MRPS27: variants seen among roughly 807,000 people sequenced by gnomAD.
MRPS27 encodes the protein small ribosomal subunit protein mS27.
MRPS27 carries 43 observed loss-of-function variants against 48.9 expected under a neutral mutation model. The ratio of observed to expected loss-of-function variants is 0.88; its 90% CI spans 0.69 to 1.13. The LOEUF (loss-of-function observed/expected upper bound fraction) is 1.13, where lower values mean the gene tolerates loss of function less well. MRPS27 is among the 50% of genes most tolerant of loss of function. The pLI is 0.00. For missense variants in MRPS27, 467 were observed against 476.3 expected, an observed-to-expected ratio of 0.98 and a Z score of 0.18; for synonymous variants, 188 against 171.9, an observed-to-expected ratio of 1.09 and a Z score of -0.73.
chr5:72,236,246 C>T (rs1748196416), intron 5 of MRPS27, among the ~76,000 whole-genome samples: 1 of 152,078 alleles, frequency 6.6e-6, no homozygotes, highest in Non-Finnish European at 1.5e-5. Flanking sequence ...TAGAGGCAAA[C>T]ATCTACAATT....
intron 4 of MRPS27, among the ~76,000 whole-genome samples, chr5:72,268,504 T>G (rs1749154746): frequency 6.6e-6 from 1 of 152,180 alleles, no homozygotes; most frequent in Non-Finnish European, 1.5e-5. Context: ...TCTGTGATAA[T>G]TTAAATTTAA....
rs543682953 is a variant in MRPS27 at position 72,314,594 on chromosome 5, C to T, written c.74-436G>A. On this transcript the variant is annotated intron_variant, in intron 1 of 10. Coordinates refer to ENST00000261413, the MANE Select transcript of MRPS27 (RefSeq NM_015084.3). Reference sequence around the variant, plus strand: ...GCCAAACTTAGTGTGGACACTTGATCGGTATTGTGCACTACAGCCCAGAAC... The same window carrying T: ...GCCAAACTTAGTGTGGACACTTGATTGGTATTGTGCACTACAGCCCAGAAC... The T allele has an allele frequency of 4.3e-4, 70 of 164,514 alleles. 1 individual carries two copies. Among genetic ancestry groups the T allele is most frequent in the Admixed American group, 3.0e-3 (53 of 17,438 alleles). 10.2% of individuals were successfully genotyped at this position (164,514 alleles called of 1,614,324 possible).
intron 2 of MRPS27, among the ~76,000 whole-genome samples, chr5:72,299,925 CT>C (rs1192054471): frequency 6.6e-6 from 1 of 152,226 alleles, no homozygotes; most frequent in Non-Finnish European, 1.5e-5. Flanking sequence ...TTACTAGCAT[CT>C]GTGCCCATAT....
At chr5:72,294,190 A>T (rs1248861045) in intron 4 of MRPS27, among the ~76,000 whole-genome samples, 1 of 152,130 alleles carries the variant, frequency 6.6e-6, no homozygotes, top group African/African-American at 2.4e-5. Context: ...CCCAATTCAG[A>T]AATTAAAAAA....
intron 4 of MRPS27, among the ~76,000 whole-genome samples, chr5:72,249,278 A>AT (rs1337236548): frequency 6.6e-6 from 1 of 152,250 alleles, no homozygotes; most frequent in East Asian, 1.9e-4. Flanking sequence ...TCTCTTCTGC[A>AT]TTTGATCATT....
intron 7 of MRPS27, among the ~76,000 whole-genome samples, chr5:72,230,971 C>T (rs1484746242): frequency 3.3e-5 from 5 of 152,116 alleles, no homozygotes; most frequent in Non-Finnish European, 7.4e-5. Context: ...TGCTGAGATT[C>T]ATGGTAGTCT....
At chr5:72,247,088 G>A (rs969399438) in intron 4 of MRPS27, among the ~76,000 whole-genome samples, 5 of 152,106 alleles carry the variant, frequency 3.3e-5, no homozygotes, top group African/African-American at 9.7e-5. Context: ...GAAGAGGTAC[G>A]GTTATCTGGA....
intron 2 of MRPS27, among the ~76,000 whole-genome samples, chr5:72,307,120 G>A (rs1476380041): frequency 1.3e-5 from 2 of 152,266 alleles, no homozygotes; most frequent in South Asian, 2.1e-4. Context: ...TGGGGAGGCC[G>A]AGGTGGGCGG....
At chr5:72,284,668 A>G (rs188898084) in intron 4 of MRPS27, among the ~76,000 whole-genome samples, 1 of 152,202 alleles carries the variant, frequency 6.6e-6, no homozygotes, top group Non-Finnish European at 1.5e-5. Flanking sequence ...GTATCATTCC[A>G]GAGATATTTT....
intron 6 of MRPS27, among the ~76,000 whole-genome samples, chr5:72,232,902 C>T (rs979201274): frequency 3.9e-5 from 6 of 152,118 alleles, no homozygotes; most frequent in African/African-American, 1.2e-4. Flanking sequence ...GAATTTTGGA[C>T]AGTTCAACCA....
chr5:72,272,448 T>A (rs954907390), intron 4 of MRPS27, among the ~76,000 whole-genome samples: 3 of 152,234 alleles, frequency 2.0e-5, no homozygotes, highest in African/African-American at 7.2e-5. Flanking sequence ...AGGCAGAGGA[T>A]GCCTACATGA....
At position 72,267,162 on chromosome 5, in the gene MRPS27, T is replaced by C. The variant is rs73761746; in HGVS notation, c.281+28369A>G. 8.7e-3 allele frequency among the ~76,000 whole-genome samples: 1,327 copies of C among 152,324 alleles called. 28 individuals are homozygous for C. Among genetic ancestry groups the C allele is most frequent in the African/African-American group, 0.029 (1,208 of 41,576 alleles). ...AAAGAATCTGACAAGAATCAGACTA[T>C]ATTCATTTTGGCATAACTATACGGA... On this transcript the variant is annotated intron_variant, in intron 4 of 10. Coordinates refer to ENST00000261413, the MANE Select transcript of MRPS27 (RefSeq NM_015084.3).
intron 4 of MRPS27, among the ~76,000 whole-genome samples, chr5:72,255,029 C>CTTTTTTT (rs70999273): frequency 3.1e-4 from 22 of 72,088 alleles, no homozygotes; most frequent in South Asian, 5.2e-4. Flanking sequence ...CATTTCTTTT[C>CTTTTTTT]TTTTTTTTTT....
At chr5:72,240,744 C>T (rs1748327176) in intron 4 of MRPS27, among the ~76,000 whole-genome samples, 1 of 152,324 alleles carries the variant, frequency 6.6e-6, no homozygotes, top group East Asian at 1.9e-4. Context: ...ATTTGCTAAG[C>T]TTCTAAGGCT....
chr5:72,293,666 A>C (rs2112057491), intron 4 of MRPS27, among the ~76,000 whole-genome samples: 1 of 152,328 alleles, frequency 6.6e-6, no homozygotes, highest in Middle Eastern at 3.4e-3. Flanking sequence ...TGCGCACATA[A>C]TAGGTGCTCG....
chr5:72,225,054 C>A (rs991781817), intron 9 of MRPS27, among the ~76,000 whole-genome samples: 1 of 152,172 alleles, frequency 6.6e-6, no homozygotes, highest in East Asian at 1.9e-4. Context: ...GCAAAGAATG[C>A]AAATCTGGCT....
intron 6 of MRPS27, 77 bp from the exon 7 acceptor site, chr5:72,232,635 A>G: frequency 1.0e-6 from 1 of 999,328 alleles, no homozygotes; most frequent in South Asian, 1.5e-5. Flanking sequence ...AACTATAAAC[A>G]CTCTTAAAAC....
chr5:72,316,311 G>T (rs956909720), intron 1 of MRPS27, among the ~76,000 whole-genome samples: 14 of 152,202 alleles, frequency 9.2e-5, no homozygotes, highest in African/African-American at 3.4e-4. Flanking sequence ...AGCTTGTGAT[G>T]ATGGCTCCAG....
chr5:72,320,143 G>T lies in MRPS27; in HGVS notation c.73+6C>A. 1.2e-6 allele frequency: 2 copies of T among 1,613,722 alleles called. No individual in the cohort carries two copies. The highest frequency in any genetic ancestry group is 1.1e-5 in the South Asian group (1 of 91,074). ...ATCAGGGGCCTAATGAAGCTGTCCG[G>T]CCAACCTGCAGGAGAGAGCTGAGGA... On this transcript the variant is annotated splice_donor_region_variant and intron_variant, in intron 1 of 10. Transcript: ENST00000261413.
Sources: gnomAD v4.1 joint callset for allele counts (sites outside exome capture counted in the v4.1 genomes callset) on GRCh38, gnomAD v4.1.1 for gene constraint, MANE v1.5 for transcripts, NCBI Gene and HGNC (gene_info 2026-07-23, HGNC 2026-07-21) for gene names.